Variants in PTPRD observed in about 807,000 individuals in gnomAD.
The protein encoded by PTPRD is protein tyrosine phosphatase receptor type D.
Under a neutral mutation model 214.5 loss-of-function variants are expected in PTPRD, and 34 were observed. That is an observed-to-expected ratio of 0.16 (90% CI 0.12 to 0.21). The LOEUF (loss-of-function observed/expected upper bound fraction) is 0.21. PTPRD is among the 10% of genes least tolerant of loss of function. PTPRD has a pLI of 1.00. For missense variants in PTPRD, 2,545 were observed against 2,398.7 expected, an observed-to-expected ratio of 1.06 and a Z score of -1.27; for synonymous variants, 1,128 against 845.7, an observed-to-expected ratio of 1.33 and a Z score of -5.79.
chr9:10,375,283 G>A (rs1194690290), intron 2 of PTPRD, among the ~76,000 whole-genome samples: 2 of 151,998 alleles, frequency 1.3e-5, no homozygotes, highest in African/African-American at 4.8e-5. Context: ...TGCTTTGGGG[G>A]ATAATTCTAT....
At chr9:9,601,155 G>C (rs963846691) in intron 7 of PTPRD, among the ~76,000 whole-genome samples, 45 of 122,072 alleles carry the variant, frequency 3.7e-4, no homozygotes, top group African/African-American at 1.3e-3. Context: ...GTGTGTATGG[G>C]GGGGGGAGAG....
chr9:8,508,274 T>C (rs1038698876), intron 21 of PTPRD, among the ~76,000 whole-genome samples: 23 of 152,324 alleles, frequency 1.5e-4, no homozygotes, highest in African/African-American at 5.1e-4. Flanking sequence ...GGAAAGTCTA[T>C]TCAGTTTAAA....
intron 5 of PTPRD, among the ~76,000 whole-genome samples, chr9:9,836,067 A>G (rs1474858315): frequency 6.6e-6 from 1 of 151,836 alleles, no homozygotes; most frequent in Non-Finnish European, 1.5e-5. Flanking sequence ...TCTTTCTGGA[A>G]GAGATGATGG....
rs550537268 is a variant in PTPRD, at chr9:8,928,843, T to C, written c.-104+89854A>G. Among the ~76,000 whole-genome samples the C allele has an allele frequency of 5.3e-5, 8 of 152,290 alleles. 1 individual carries two copies. The South Asian group carries it at 1.7e-3, about 32-fold the overall frequency. On this transcript the variant is annotated intron_variant, in intron 11 of 45. Transcript: ENST00000381196. ...CATGAGGATGGAATGTTTTTCCATT[T>C]GTTTGTGTCCTCTCTTATTTCCTTG...
chr9:8,871,238 G>C (rs1229289245), intron 11 of PTPRD, among the ~76,000 whole-genome samples: 5 of 152,060 alleles, frequency 3.3e-5, no homozygotes, highest in Admixed American at 3.3e-4. Context: ...CCAACAACTG[G>C]AACATCCTTC....
Position 8,904,667 on chromosome 9 carries a change from TAA to T in PTPRD, c.-104+114028_-104+114029del, listed in dbSNP as rs5896276. ...AGCCTGGGTAGCAGAGGGAGACTCT[TAA>T]AAAAAAAAAAAAAAAGCTACACATT... On this transcript the variant is annotated intron_variant, in intron 11 of 45. Transcript: ENST00000381196. Among the ~76,000 whole-genome samples, 19 of 128,882 alleles carry T rather than the reference TAA, an allele frequency of 1.5e-4. No individual in the cohort carries two copies. In the South Asian group the frequency reaches 1.8e-3, roughly 12 times the overall value. The allele number at this position is 128,882 out of a possible 152,430, so 84.6% of individuals were successfully genotyped here. A position where few individuals can be genotyped will look rare whatever the true frequency, so the allele number is the denominator to read the frequency against.
intron 11 of PTPRD, among the ~76,000 whole-genome samples, chr9:8,755,016 C>T (rs995010718): frequency 6.6e-6 from 1 of 152,220 alleles, no homozygotes; most frequent in Admixed American, 6.5e-5. Context: ...AACCACTCCA[C>T]ACTCACCAGA....
At chr9:9,928,189 T>C (rs930053515) in intron 5 of PTPRD, among the ~76,000 whole-genome samples, 1 of 152,192 alleles carries the variant, frequency 6.6e-6, no homozygotes, top group Non-Finnish European at 1.5e-5. Context: ...CTGCATGATG[T>C]TAGCTGCAGC....
chr9:9,211,513 A>ACGCG (rs775589495), intron 9 of PTPRD, among the ~76,000 whole-genome samples: 31 of 110,914 alleles, frequency 2.8e-4, no homozygotes, highest in South Asian at 1.6e-3. Flanking sequence ...CAGTGTGCGC[A>ACGCG]CGCACACACA....
chr9:9,551,081 C>A (rs1485478935), intron 8 of PTPRD, among the ~76,000 whole-genome samples: 1 of 151,900 alleles, frequency 6.6e-6, no homozygotes, highest in African/African-American at 2.4e-5. Context: ...CCCATAGTTA[C>A]ACTCAATTTA....
intron 34 of PTPRD, among the ~76,000 whole-genome samples, chr9:8,440,886 T>C (rs1403108735): frequency 1.3e-5 from 2 of 152,180 alleles, no homozygotes; most frequent in South Asian, 4.1e-4. Context: ...ACTTTCACTT[T>C]ATACAAGAGG....
chr9:9,630,489 G>C (rs1326754245), intron 7 of PTPRD, among the ~76,000 whole-genome samples: 1 of 152,166 alleles, frequency 6.6e-6, no homozygotes, highest in Non-Finnish European at 1.5e-5. Flanking sequence ...GGGGAGGAAA[G>C]GAGATAACAA....
Position 10,387,820 on chromosome 9 carries a change from C to CTTT in PTPRD, c.-599-46806_-599-46804dup, listed in dbSNP as rs58959929. Among the ~76,000 whole-genome samples, 527 of 82,470 alleles carry CTTT rather than the reference C, an allele frequency of 6.4e-3. 6 individuals are homozygous for CTTT. The highest frequency in any genetic ancestry group is 0.017 in the Middle Eastern group (1 of 58). The allele number at this position is 82,470 out of a possible 152,430, so 54.1% of individuals were successfully genotyped here. ...ATTTAAAAAAAAAAAAAGATTTTGT[C>CTTT]TTTTTTTTTTTTTTTTTTTTTTTTG... On this transcript the variant is annotated intron_variant, in intron 2 of 45. Coordinates refer to ENST00000381196, the MANE Select transcript of PTPRD (RefSeq NM_002839.4).
At chr9:9,907,751 CAATT>C (rs2078009891) in intron 5 of PTPRD, among the ~76,000 whole-genome samples, 1 of 152,042 alleles carries the variant, frequency 6.6e-6, no homozygotes, top group Non-Finnish European at 1.5e-5. Context: ...ACCATTTACA[CAATT>C]AATCATACAA....
At chr9:9,073,241 T>C (rs324482) in intron 10 of PTPRD, among the ~76,000 whole-genome samples, 95,745 of 152,000 alleles carry the variant, frequency 0.63, 31,551 homozygotes, top group Non-Finnish European at 0.74. Flanking sequence ...GTGCAAGGCA[T>C]TGTTACATGT....
chr9:8,709,657 C>T (rs889016705), intron 12 of PTPRD, among the ~76,000 whole-genome samples: 3 of 151,836 alleles, frequency 2.0e-5, no homozygotes, highest in Admixed American at 2.0e-4. Flanking sequence ...ACAACATATA[C>T]ATTAAAATAT....
intron 30 of PTPRD, among the ~76,000 whole-genome samples, chr9:8,480,357 G>A (rs1469559849): frequency 6.6e-6 from 1 of 152,068 alleles, no homozygotes; most frequent in Non-Finnish European, 1.5e-5. Context: ...ACTTTCTCTA[G>A]GACTGCTGAA....
chr9:10,225,826 G>C (rs772438480), intron 3 of PTPRD, among the ~76,000 whole-genome samples: 5 of 152,148 alleles, frequency 3.3e-5, no homozygotes, highest in African/African-American at 9.6e-5. Flanking sequence ...ATGTGTTAAG[G>C]TGTATTGGAA....
chr9:10,169,230 T>G (rs901737220), intron 3 of PTPRD, among the ~76,000 whole-genome samples: 55 of 151,588 alleles, frequency 3.6e-4, no homozygotes, highest in African/African-American at 1.2e-3. Flanking sequence ...ATCCCAGCAC[T>G]TTGGGAGGCC....
Sources: gnomAD v4.1 joint callset for allele counts (sites outside exome capture counted in the v4.1 genomes callset) on GRCh38, gnomAD v4.1.1 for gene constraint, MANE v1.5 for transcripts, NCBI Gene and HGNC (gene_info 2026-07-23, HGNC 2026-07-21) for gene names.